The following ZRANB3 variants were observed in gnomAD, a reference collection of about 807,000 sequenced individuals.
ZRANB3 encodes DNA annealing helicase and endonuclease ZRANB3.
In ZRANB3, 125 loss-of-function variants were observed where a neutral mutation model predicts 133.8. The observed-to-expected ratio is 0.93, with a 90% confidence interval of 0.81 to 1.08. The LOEUF (loss-of-function observed/expected upper bound fraction) is 1.08, where lower values mean the gene tolerates loss of function less well. Among genes scored for constraint, ZRANB3 ranks in the 50% least tolerant of loss-of-function variants. The pLI is 0.00. For missense variants in ZRANB3, 1,229 were observed against 1,275.5 expected (o/e 0.96, Z 0.56); for synonymous variants, 387 against 432.7 (o/e 0.89, Z 1.31).
At chr2:135,333,373 T>A (rs1284115942) in intron 6 of ZRANB3, among the ~76,000 whole-genome samples, 1 of 152,144 alleles carries the variant, frequency 6.6e-6, no homozygotes. Flanking sequence ...AAAGGGAAAG[T>A]ACAAAACAAT....
chr2:135,372,892 G>C (rs1389594838), intron 3 of ZRANB3, among the ~76,000 whole-genome samples: 1 of 151,530 alleles, frequency 6.6e-6, no homozygotes, highest in East Asian at 1.9e-4. Context: ...GACCAGCCTG[G>C]GCAACACAGT....
chr2:135,376,960 G>A (rs193005294), intron 3 of ZRANB3, among the ~76,000 whole-genome samples: 24 of 152,342 alleles, frequency 1.6e-4, no homozygotes, highest in Middle Eastern at 3.4e-3. Context: ...ATAAGGTGCT[G>A]ACCTGAGTAA....
chr2:135,482,680 T>A (rs1157182936), intron 2 of ZRANB3, among the ~76,000 whole-genome samples: 1 of 152,226 alleles, frequency 6.6e-6, no homozygotes, highest in African/African-American at 2.4e-5. Context: ...AGAGAGGGCA[T>A]CCCTGTCTTG....
At chr2:135,449,842 C>T (rs985234869) in intron 2 of ZRANB3, among the ~76,000 whole-genome samples, 1 of 152,138 alleles carries the variant, frequency 6.6e-6, no homozygotes, top group Non-Finnish European at 1.5e-5. Context: ...ATCACAGCCT[C>T]GAACTCACAG....
At chr2:135,308,877 GA>G (rs1315932117) in intron 8 of ZRANB3, among the ~76,000 whole-genome samples, 7 of 150,776 alleles carry the variant, frequency 4.6e-5, no homozygotes, top group African/African-American at 7.3e-5. Context: ...TCCGCCAAAG[GA>G]AAAAAAGTTC....
At chr2:135,426,851 AAAAAAAAAAAAAATATATATATATATAT>A (rs1360599020) in intron 2 of ZRANB3, among the ~76,000 whole-genome samples, 7 of 61,028 alleles carry the variant, frequency 1.1e-4, no homozygotes, top group African/African-American at 6.4e-4. Flanking sequence ...AAAAAAAAAA[AAAAAAAAAAAAAATATATATATATATAT>A]ATATATATAT....
chr2:135,381,594 TA>T (rs1353535261), intron 3 of ZRANB3, among the ~76,000 whole-genome samples: 1 of 152,066 alleles, frequency 6.6e-6, no homozygotes, highest in Non-Finnish European at 1.5e-5. Context: ...GAGGCACCCC[TA>T]AGTAGGGGCA....
intron 2 of ZRANB3, among the ~76,000 whole-genome samples, chr2:135,403,360 C>T (rs1353127056): frequency 6.6e-6 from 1 of 152,210 alleles, no homozygotes; most frequent in Admixed American, 6.5e-5. Flanking sequence ...TCATTGCTAG[C>T]ACAGCAGTCT....
intron 19 of ZRANB3, among the ~76,000 whole-genome samples, chr2:135,204,695 CAAT>C (rs890790867): frequency 2.4e-4 from 32 of 132,450 alleles, no homozygotes; most frequent in Non-Finnish European, 3.7e-4. Flanking sequence ...AAAATATATA[CAAT>C]AATATATATT....
At chr2:135,220,622 C>T (rs1174771669) in intron 15 of ZRANB3, among the ~76,000 whole-genome samples, 5 of 143,784 alleles carry the variant, frequency 3.5e-5, no homozygotes, top group East Asian at 2.2e-4. Context: ...CGCTTGAACC[C>T]GGGAGGCAGA....
intron 2 of ZRANB3, among the ~76,000 whole-genome samples, chr2:135,495,696 T>TAC (rs1559037478): frequency 6.6e-6 from 1 of 152,196 alleles, no homozygotes; most frequent in African/African-American, 2.4e-5. Flanking sequence ...ATAAAAAATA[T>TAC]ACTTTAGTGA....
At chr2:135,471,955 G>A (rs1691290035) in intron 2 of ZRANB3, among the ~76,000 whole-genome samples, 1 of 152,160 alleles carries the variant, frequency 6.6e-6, no homozygotes, top group Admixed American at 6.5e-5. Flanking sequence ...TTCTTTCACT[G>A]GAAGGATGAA....
intron 3 of ZRANB3, chr2:135,355,360 C>A: frequency 8.7e-4 from 325 of 372,660 alleles, no homozygotes; most frequent in Middle Eastern, 1.3e-3. Context: ...AATCACAGAT[C>A]TTTTTTTTTT....
chr2:135,313,632 A>T, intron 7 of ZRANB3, 27 bp from the exon 8 acceptor site: 1 of 1,434,634 alleles, frequency 7.0e-7, no homozygotes, highest in Non-Finnish European at 9.8e-7. Context: ...AACACTGTTT[A>T]TGAATATAGC....
In ZRANB3 at chr2:135,207,550, A is replaced by G; in HGVS notation, c.2893T>C (p.Cys965Arg). ...TGTGCGTTCACATTACAGAGCTGAC[A>G]CACACCATGTTCAGTTTCAAATACT... Reference protein sequence around the residue: ...AKVFETEHGVCQLCNVNAQEL... With the variant: ...AKVFETEHGVRQLCNVNAQEL... The change falls in exon 19 of 21, where the codon TGT becomes CGT. Residue 965 changes from cysteine to arginine, a missense_variant. Transcript: ENST00000264159. The G allele has an allele frequency of 6.2e-7, 1 of 1,614,032 alleles. No homozygotes were observed. The highest frequency in any genetic ancestry group is 8.5e-7 in the Non-Finnish European group (1 of 1,179,892).
At chr2:135,364,942 G>A (rs1340348867) in intron 3 of ZRANB3, among the ~76,000 whole-genome samples, 2 of 152,044 alleles carry the variant, frequency 1.3e-5, no homozygotes, top group Admixed American at 6.5e-5. Flanking sequence ...CCAGCTACTC[G>A]GGAGGCTGAG....
intron 3 of ZRANB3, among the ~76,000 whole-genome samples, chr2:135,389,728 G>A (rs1687138536): frequency 1.3e-5 from 2 of 152,024 alleles, no homozygotes; most frequent in Admixed American, 6.6e-5. Flanking sequence ...ACAGAGATAA[G>A]CCATTGGTGG....
intron 6 of ZRANB3, among the ~76,000 whole-genome samples, chr2:135,332,522 T>C (rs975697108): frequency 2.6e-5 from 4 of 152,164 alleles, no homozygotes; most frequent in Non-Finnish European, 5.9e-5. Context: ...ATTCCTCTCA[T>C]TATTCTGGTC....
intron 8 of ZRANB3, among the ~76,000 whole-genome samples, chr2:135,302,737 G>A (rs1682493602): frequency 6.6e-6 from 1 of 152,048 alleles, no homozygotes; most frequent in Admixed American, 6.6e-5. Context: ...TGCTGGCCAG[G>A]CTGGTCTCGA....
Sources: gnomAD v4.1 joint callset for allele counts (sites outside exome capture counted in the v4.1 genomes callset) on GRCh38, gnomAD v4.1.1 for gene constraint, MANE v1.5 for transcripts, NCBI Gene and HGNC (gene_info 2026-07-23, HGNC 2026-07-21) for gene names.